Variants in AOX1 observed in about 807,000 individuals in gnomAD.
AOX1 encodes aldehyde oxidase.
Under a neutral mutation model 169.5 loss-of-function variants are expected in AOX1, and 153 were observed. The ratio of observed to expected loss-of-function variants is 0.90; its 90% CI spans 0.79 to 1.03. The LOEUF (loss-of-function observed/expected upper bound fraction) is 1.03, where lower values mean the gene tolerates loss of function less well. AOX1 is among the 50% of genes least tolerant of loss of function. The pLI, the probability that AOX1 is intolerant of heterozygous loss-of-function variation, is 0.00. For missense variants in AOX1, 1,656 were observed against 1,663.9 expected (o/e 1.00, Z 0.08); for synonymous variants, 562 against 581.9 (o/e 0.97, Z 0.49).
intron 31 of AOX1, among the ~76,000 whole-genome samples, chr2:200,664,022 G>T (rs3769831): frequency 2.0e-5 from 3 of 151,780 alleles, no homozygotes; most frequent in African/African-American, 7.3e-5. Flanking sequence ...GGGTAACCTC[G>T]CACTAGGGCA....
In AOX1 at chr2:200,599,731, AC is replaced by A; in HGVS notation, c.422del (p.Thr141MetfsTer17). The A allele has an allele frequency of 6.3e-7, 1 of 1,599,328 alleles. No homozygotes were observed. The highest frequency in any genetic ancestry group is 1.3e-5 in the African/African-American group (1 of 74,246). On this transcript the variant is annotated frameshift_variant, in exon 5 of 35. Transcript: ENST00000374700. LOFTEE classifies it high-confidence loss of function. ...NHPEPTLDQL[T>X]DALGGNLCRC... Reference sequence around the variant, plus strand: ...CCCAGAGCCCACTCTGGATCAGTTAACTGATGCCCTTGGTGGTAGGTTATAT... The same window carrying A: ...CCCAGAGCCCACTCTGGATCAGTTAATGATGCCCTTGGTGGTAGGTTATAT...
chr2:200,641,094 C>T lies in AOX1; in HGVS notation c.2569-4C>T, dbSNP rs889571075. ...CAGCATTCGATATCGGTTCTCTTCC[C>T]CAGGCTGGATTCATGAACGATGGCA... On this transcript the variant is annotated splice_polypyrimidine_tract_variant and splice_region_variant and intron_variant, in intron 23 of 34. Coordinates refer to ENST00000374700, the MANE Select transcript of AOX1 (RefSeq NM_001159.4). 2 of 1,612,102 alleles carry T rather than the reference C, an allele frequency of 1.2e-6. No homozygotes were observed. Among genetic ancestry groups the T allele is most frequent in the Admixed American group, 1.7e-5 (1 of 59,966 alleles).
intron 1 of AOX1, among the ~76,000 whole-genome samples, chr2:200,589,700 T>A (rs757122584): frequency 1.4e-4 from 21 of 152,202 alleles, no homozygotes; most frequent in Admixed American, 7.9e-4. Flanking sequence ...ATCTGTTTCA[T>A]TAGCAGAGCC....
At chr2:200,593,320 C>A in intron 2 of AOX1, 117 bp downstream of exon 2, 1 of 864,318 alleles carries the variant, frequency 1.2e-6, no homozygotes, top group Non-Finnish European at 1.8e-6. Flanking sequence ...TCCCTACTAT[C>A]ATGGTTTTAT....
chr2:200,672,842 G>A (rs187506015), downstream of AOX1, among the ~76,000 whole-genome samples: 1 of 152,300 alleles, frequency 6.6e-6, no homozygotes, highest in East Asian at 1.9e-4. Context: ...TCTGGAGGAA[G>A]AGCATTACTG....
At chr2:200,669,837 G>A in intron 34 of AOX1, 95 bp downstream of exon 34, 1 of 1,335,856 alleles carries the variant, frequency 7.5e-7, no homozygotes, top group Non-Finnish European at 1.0e-6. Context: ...CACTGCTGTG[G>A]CTTTTCTTGC....
At chr2:200,620,873 G>A (rs1173954056) in intron 17 of AOX1, 54 bp downstream of exon 17, 1 of 1,544,636 alleles carries the variant, frequency 6.5e-7, no homozygotes, top group Non-Finnish European at 8.7e-7. Flanking sequence ...TTTCATCTAA[G>A]TCACACTAGT....
chr2:200,662,967 A>G lies in AOX1; in HGVS notation c.3541A>G (p.Lys1181Glu). 1 of 1,613,408 alleles carries G rather than the reference A, an allele frequency of 6.2e-7. No homozygotes were observed. Among genetic ancestry groups the G allele is most frequent in the Non-Finnish European group, 8.5e-7 (1 of 1,179,368 alleles). ...VEIDCLTGDH[K>E]NIRTDIVMDV... ...AATAGACTGCCTGACGGGGGATCATAAGGTCAGTACCGGTTGGAAAGGTCT... is the reference window on the plus strand; with the variant it reads ...AATAGACTGCCTGACGGGGGATCATGAGGTCAGTACCGGTTGGAAAGGTCT... The change falls in exon 31 of 35, where the codon AAG becomes GAG. Residue 1181 changes from lysine (K) to glutamate (E), a missense_variant and splice_region_variant. Transcript: ENST00000374700.
At chr2:200,627,243 A>C in intron 19 of AOX1, 110 bp from the exon 20 acceptor site, 1 of 709,166 alleles carries the variant, frequency 1.4e-6, no homozygotes. Flanking sequence ...CGGAACCACA[A>C]GGTGAAGGGA....
chr2:200,636,231 C>T (rs1209807912), intron 21 of AOX1, among the ~76,000 whole-genome samples: 3 of 141,392 alleles, frequency 2.1e-5, no homozygotes, highest in East Asian at 2.1e-4. Context: ...CAGGTTCAAG[C>T]GATTCTCCGG....
intron 20 of AOX1, among the ~76,000 whole-genome samples, chr2:200,628,005 T>G (rs1173641066): frequency 6.6e-6 from 1 of 152,204 alleles, no homozygotes; most frequent in Non-Finnish European, 1.5e-5. Flanking sequence ...CCAGACTTCT[T>G]TGCTGTATGT....
At chr2:200,652,950 G>A (rs2035610165) in intron 26 of AOX1, among the ~76,000 whole-genome samples, 1 of 152,176 alleles carries the variant, frequency 6.6e-6, no homozygotes, top group African/African-American at 2.4e-5. Flanking sequence ...CTACGATGTT[G>A]TAAGTACTTT....
In AOX1 at chr2:200,604,759, TC is replaced by T. The variant is rs1559234318; in HGVS notation, c.738del (p.Val247Ter). On this transcript the variant is annotated frameshift_variant, in exon 9 of 35. Coordinates refer to ENST00000374700, the MANE Select transcript of AOX1 (RefSeq NM_001159.4). LOFTEE classifies it high-confidence loss of function. Reference sequence around the variant, plus strand: ...TGGCAGTGAGAGAATGATGTGGTTTTCCCCCGTGACCCTGAAGGAACTGCTG... The same window carrying T: ...TGGCAGTGAGAGAATGATGTGGTTTTCCCCGTGACCCTGAAGGAACTGCTG... ...VFGSERMMWF[S>X]PVTLKELLEF... 1 of 1,613,924 alleles carries T rather than the reference TC, an allele frequency of 6.2e-7. No homozygotes were observed. Among genetic ancestry groups the T allele is most frequent in the South Asian group, 1.1e-5 (1 of 91,074 alleles).
chr2:200,642,798 G>A lies in AOX1; in HGVS notation c.2844G>A (p.Glu948=), dbSNP rs1337331096. 4.3e-6 allele frequency: 7 copies of A among 1,612,538 alleles called. No individual in the cohort carries two copies. The South Asian group carries it at 7.7e-5, about 18-fold the overall frequency. ...EVAAKCGLSP[E]KVRIINMYKE... ...CAGCCAAATGTGGACTATCCCCTGAGAAGGTAATACTAAATCAGCTTCACA... is the reference window on the plus strand; with the variant it reads ...CAGCCAAATGTGGACTATCCCCTGAAAAGGTAATACTAAATCAGCTTCACA... Residue 948 remains glutamate, a synonymous_variant, in exon 25 of 35, where the codon GAG becomes GAA. Transcript: ENST00000374700.
chr2:200,604,909 G>A, intron 9 of AOX1, 69 bp downstream of exon 9: 2 of 1,267,996 alleles, frequency 1.6e-6, no homozygotes, highest in East Asian at 2.6e-5. Flanking sequence ...GCCGGGGTGG[G>A]CTGGGGAAAC....
intron 20 of AOX1, among the ~76,000 whole-genome samples, chr2:200,632,167 ATTC>A (rs1386790230): frequency 6.6e-6 from 1 of 151,850 alleles, no homozygotes; most frequent in African/African-American, 2.4e-5. Flanking sequence ...TCTGCTTTTT[ATTC>A]TTTTCCCCAC....
At position 200,656,922 on chromosome 2, in the gene AOX1, C is replaced by T. The variant is rs2035699228; in HGVS notation, c.3156C>T (p.His1052=). ...GAATTGAAATGGGGCAGGGGGTCCA[C>T]ACTAAAATGATTCAGGTAAGAATGC... The part of the protein sequence containing the change: ...HGGIEMGQGV[H]TKMIQVVSRE... The change falls in exon 27 of 35, where the codon CAC becomes CAT. Residue 1052 remains histidine, a synonymous_variant. Coordinates refer to ENST00000374700, the MANE Select transcript of AOX1 (RefSeq NM_001159.4). 2 of 1,576,912 alleles carry T rather than the reference C, an allele frequency of 1.3e-6. No homozygotes were observed. Among genetic ancestry groups the T allele is most frequent in the Non-Finnish European group, 1.7e-6 (2 of 1,160,640 alleles).
intron 1 of AOX1, among the ~76,000 whole-genome samples, chr2:200,590,147 A>G (rs2034138553): frequency 1.3e-5 from 2 of 150,544 alleles, no homozygotes; most frequent in South Asian, 2.1e-4. Flanking sequence ...CCCCTTCCTT[A>G]TTTTCTACTC....
chr2:200,598,057 A>G (rs1267072805), intron 4 of AOX1, among the ~76,000 whole-genome samples: 2 of 151,782 alleles, frequency 1.3e-5, no homozygotes, highest in Admixed American at 6.6e-5. Context: ...GCAGTAAACC[A>G]TGATTGCACC....
Sources: allele counts gnomAD v4.1 joint callset (sites outside exome capture counted in the v4.1 genomes callset), GRCh38; gene constraint gnomAD v4.1.1; transcripts MANE v1.5; gene names NCBI Gene and HGNC (gene_info 2026-07-23, HGNC 2026-07-21).